The following SYVN1 variants were observed in gnomAD, a reference collection of about 807,000 sequenced individuals.
The protein encoded by SYVN1 is E3 ubiquitin-protein ligase synoviolin.
In SYVN1, 17 loss-of-function variants were observed where a neutral mutation model predicts 62.6. The ratio of observed to expected loss-of-function variants is 0.27; its 90% CI spans 0.19 to 0.41. SYVN1 has a LOEUF of 0.41. SYVN1 is among the 10% of genes least tolerant of loss of function. SYVN1 has a pLI of 1.00. For missense variants in SYVN1, 634 were observed against 818.0 expected (o/e 0.78, Z 2.74); for synonymous variants, 316 against 304.0 (o/e 1.04, Z -0.41).
In SYVN1 at chr11:65,130,339, G is replaced by A. The variant is rs373634951; in HGVS notation, c.1146C>T (p.Phe382=). The change falls in exon 12 of 16, where the codon TTC becomes TTT. Residue 382 remains phenylalanine (F), a synonymous_variant. Coordinates refer to ENST00000377190, the MANE Select transcript of SYVN1 (RefSeq NM_172230.3). The part of the protein sequence containing the change: ...GLLPPFPPGM[F]PLWPPMGPFP... ...AGGGGCCCATGGGGGGCCACAGTGGGAACATGCCTGGAGGAAAAGGAGGCA... is the reference window on the plus strand; with the variant it reads ...AGGGGCCCATGGGGGGCCACAGTGGAAACATGCCTGGAGGAAAAGGAGGCA... 3.8e-6 allele frequency: 6 copies of A among 1,563,640 alleles called. No individual in the cohort carries two copies. The African/African-American group carries it at 6.9e-5, about 18-fold the overall frequency.
chr11:65,133,559 T>C lies in SYVN1; in HGVS notation c.43A>G (p.Thr15Ala). ...TAGGCGTGAGCCACCACAGCCCCGG[T>C]CAGCGCCAGGCTGGCCGCCATCATC... ...AVMMAASLAL[T>A]GAVVAHAYYL... The change falls in exon 2 of 16, where the codon ACC becomes GCC. Residue 15 changes from threonine to alanine, a missense_variant. This residue lies in a region of SYVN1 where 283 missense variants were observed against 444.7 expected (regional missense o/e 0.64). Transcript: ENST00000377190. The C allele has an allele frequency of 6.2e-7, 1 of 1,612,700 alleles. No individual in the cohort carries two copies. The highest frequency in any genetic ancestry group is 8.5e-7 in the Non-Finnish European group (1 of 1,179,994).
intron 15 of SYVN1, 37 bp downstream of exon 15, chr11:65,128,526 T>G: frequency 6.2e-7 from 1 of 1,613,172 alleles, no homozygotes; most frequent in East Asian, 2.2e-5. Context: ...CCTAGAGAAG[T>G]TCCCTGCTCC....
chr11:65,128,331 C>A lies in SYVN1; in HGVS notation c.*51G>T. 6.8e-7 allele frequency: 1 copy of A among 1,470,180 alleles called. No individual in the cohort carries two copies. Among genetic ancestry groups the A allele is most frequent in the East Asian group, 2.3e-5 (1 of 42,716 alleles). 91.1% of individuals were successfully genotyped at this position (1,470,180 alleles called of 1,614,324 possible). A position where few individuals can be genotyped will look rare whatever the true frequency, so the allele number is the denominator to read the frequency against. On this transcript the variant is annotated 3_prime_UTR_variant, in exon 16 of 16. Coordinates refer to ENST00000377190, the MANE Select transcript of SYVN1 (RefSeq NM_172230.3). ...CTGGCACTTGGTGGCAGGACATGTT[C>A]CAGCGAGGGCTGCTCAAAAGAGCAG...
rs778482052 is a variant in SYVN1, at chr11:65,128,670, G to A, written c.1640C>T (p.Ala547Val). 1 of 1,613,812 alleles carries A rather than the reference G, an allele frequency of 6.2e-7. No homozygotes were observed. The highest frequency in any genetic ancestry group is 8.5e-7 in the Non-Finnish European group (1 of 1,179,818). The change falls in exon 15 of 16, where the codon GCC becomes GTC. Residue 547 changes from alanine (A) to valine (V), a missense_variant. Ala to Val is a moderately conservative substitution (Grantham distance 64, BLOSUM62 0). Coordinates refer to ENST00000377190, the MANE Select transcript of SYVN1 (RefSeq NM_172230.3). ...GGAGGCAGCAGCAACAACTGTAGTGGCAGTCTCCTCAGTGGAGTTGACTGA... is the reference window on the plus strand; with the variant it reads ...GGAGGCAGCAGCAACAACTGTAGTGACAGTCTCCTCAGTGGAGTTGACTGA... Reference protein sequence around the residue: ...ATSVNSTEETATTVVAAASST... With the variant: ...ATSVNSTEETVTTVVAAASST...
At position 65,129,012 on chromosome 11, in the gene SYVN1, A is replaced by G. The variant is rs529368493; in HGVS notation, c.1596-298T>C. The stretch of plus-strand genomic sequence containing the variant: ...AGGCACCTTATAGGGGACTCACTCA[A>G]TAAGCCACAGTGCTCGAGCCTTGGA... On this transcript the variant is annotated intron_variant, in intron 14 of 15. Transcript: ENST00000377190. 29 of 354,692 alleles carry G rather than the reference A, an allele frequency of 8.2e-5. No individual in the cohort carries two copies. In the South Asian group the frequency reaches 1.1e-3, roughly 14 times the overall value. The allele number at this position is 354,692 out of a possible 1,614,324, so 22.0% of individuals were successfully genotyped here.
Position 65,129,968 on chromosome 11 carries a change from C to T in SYVN1, c.1408+34G>A, listed in dbSNP as rs758359736. 8 of 1,600,014 alleles carry T rather than the reference C, an allele frequency of 5.0e-6. No homozygotes were observed. In the East Asian group the frequency reaches 1.8e-4, roughly 36 times the overall value. On this transcript the variant is annotated intron_variant, in intron 13 of 15. Coordinates refer to ENST00000377190, the MANE Select transcript of SYVN1 (RefSeq NM_172230.3). ...TGCTGGGGCCAGACACCAACCTCAC[C>T]CCCAAGAAGAACCCAGAGAGTGGCC...
At position 65,131,309 on chromosome 11, in the gene SYVN1, T is replaced by C; in HGVS notation, c.723A>G (p.Pro241=). ...GGTACATGGGCCGGATGGCAAAGAGTGGGAAGGTGTGCACCTTGATCATGA... is the reference window on the plus strand; with the variant it reads ...GGTACATGGGCCGGATGGCAAAGAGCGGGAAGGTGTGCACCTTGATCATGA... ...MTIMIKVHTF[P]LFAIRPMYLA... is the part of the protein sequence containing the mutation. Residue 241 remains proline, a synonymous_variant, in exon 8 of 16, where the codon CCA becomes CCG. Coordinates refer to ENST00000377190, the MANE Select transcript of SYVN1 (RefSeq NM_172230.3). 3.7e-6 allele frequency: 6 copies of C among 1,612,652 alleles called. No homozygotes were observed. The highest frequency in any genetic ancestry group is 5.1e-6 in the Non-Finnish European group (6 of 1,179,632).
Position 65,128,755 on chromosome 11 carries a change from T to A in SYVN1, c.1596-41A>T, listed in dbSNP as rs1348079782. On this transcript the variant is annotated intron_variant, in intron 14 of 15. Coordinates refer to ENST00000377190, the MANE Select transcript of SYVN1 (RefSeq NM_172230.3). ...ACGAGAGGCGGGCCTGGCCTTGGCA[T>A]CCAAGGTTGGGCAGATTCTCCTGCC... is the stretch of plus-strand genomic sequence containing the variant. 2.6e-6 allele frequency: 4 copies of A among 1,549,072 alleles called. No individual in the cohort carries two copies. The African/African-American group carries it at 5.5e-5, about 21-fold the overall frequency.
Position 65,133,214 on chromosome 11 carries a change from C to T in SYVN1, c.171G>A (p.Leu57=). ...AGAACACCTTGCCCATCACCTTGCCCAGAAGGAAGACAAGGACAAAGGCCT... is the reference window on the plus strand; with the variant it reads ...AGAACACCTTGCCCATCACCTTGCCTAGAAGGAAGACAAGGACAAAGGCCT... The part of the protein sequence containing the change: ...YIQAFVLVFL[L]GKVMGKVFFG... The change falls in exon 3 of 16, where the codon CTG becomes CTA. Residue 57 remains leucine, a synonymous_variant. Transcript: ENST00000377190. The T allele has an allele frequency of 6.2e-7, 1 of 1,614,166 alleles. No homozygotes were observed. Among genetic ancestry groups the T allele is most frequent in the Non-Finnish European group, 8.5e-7 (1 of 1,180,030 alleles).
intron 5 of SYVN1, 157 bp from the exon 6 acceptor site, chr11:65,132,508 G>C (rs1948193977): frequency 2.7e-6 from 2 of 748,622 alleles, no homozygotes; most frequent in Non-Finnish European, 4.5e-6. Context: ...GGAACTTCCT[G>C]GGGGAGGGGG....
intron 1 of SYVN1, 87 bp downstream of exon 1, chr11:65,134,369 G>A (rs1590829713): frequency 6.5e-6 from 1 of 152,780 alleles, no homozygotes; most frequent in Non-Finnish European, 1.5e-5. Context: ...CGGCGGGGCT[G>A]AGGGGCGTGC....
chr11:65,132,137 C>T, intron 6 of SYVN1, 111 bp downstream of exon 6: 1 of 836,446 alleles, frequency 1.2e-6, no homozygotes, highest in Non-Finnish European at 2.1e-6. Flanking sequence ...CCCTTGGTGG[C>T]CAGCACAGGT....
intron 7 of SYVN1, 44 bp downstream of exon 7, chr11:65,131,426 G>C: frequency 6.2e-7 from 1 of 1,613,916 alleles, no homozygotes; most frequent in Non-Finnish European, 8.5e-7. Context: ...GAGGCAGAGT[G>C]GAGGATGCTG....
chr11:65,129,434 T>C (rs2137238745), intron 14 of SYVN1: 1 of 325,702 alleles, frequency 3.1e-6, no homozygotes, highest in Non-Finnish European at 5.7e-6. Context: ...GAATATCATG[T>C]GATGAACTAA....
rs1354328404 is a variant in SYVN1 at position 65,128,267 on chromosome 11, A to T, written c.*115T>A. The T allele has an allele frequency of 4.6e-6, 4 of 868,460 alleles. No homozygotes were observed. The African/African-American group carries it at 6.7e-5, about 15-fold the overall frequency. 53.8% of individuals were successfully genotyped at this position (868,460 alleles called of 1,614,324 possible). ...CTAGGGGATGCCGCCTCTTTCTCAG[A>T]GCTGGGGGTACTACTCCCTGGTGCA... On this transcript the variant is annotated 3_prime_UTR_variant, in exon 16 of 16. Coordinates refer to ENST00000377190, the MANE Select transcript of SYVN1 (RefSeq NM_172230.3).
In SYVN1 at chr11:65,128,379, G is replaced by A. The variant is rs2137234278; in HGVS notation, c.*3C>T. Reference sequence around the variant, plus strand: ...CAGAGGCTGGGGCTGGGCTGGGGCAGTGTCAGTGGGCAACAGGAGACTCCA... The same window carrying A: ...CAGAGGCTGGGGCTGGGCTGGGGCAATGTCAGTGGGCAACAGGAGACTCCA... On this transcript the variant is annotated 3_prime_UTR_variant, in exon 16 of 16. Transcript: ENST00000377190. 1 of 1,610,776 alleles carries A rather than the reference G, an allele frequency of 6.2e-7. No individual in the cohort carries two copies. The highest frequency in any genetic ancestry group is 8.5e-7 in the Non-Finnish European group (1 of 1,178,736).
chr11:65,131,889 A>G (rs1948185182), intron 6 of SYVN1, among the ~76,000 whole-genome samples: 1 of 152,150 alleles, frequency 6.6e-6, no homozygotes, highest in East Asian at 1.9e-4. Flanking sequence ...TGAAATTCGC[A>G]CTCAACAAAT....
intron 5 of SYVN1, 45 bp from the exon 6 acceptor site, chr11:65,132,396 G>T: frequency 7.3e-7 from 1 of 1,360,782 alleles, no homozygotes; most frequent in Non-Finnish European, 1.1e-6. Flanking sequence ...TCAGCCCAGG[G>T]CCCAACAGCT....
chr11:65,132,696 C>T, intron 5 of SYVN1, 36 bp downstream of exon 5: 2 of 1,611,870 alleles, frequency 1.2e-6, no homozygotes, highest in Non-Finnish European at 1.7e-6. Flanking sequence ...GGTTCACGTT[C>T]CAGTCCTCCC....
Sources: allele counts gnomAD v4.1 joint callset (sites outside exome capture counted in the v4.1 genomes callset), GRCh38; gene constraint gnomAD v4.1.1; regional missense constraint gnomAD v4.1.1; transcripts MANE v1.5; gene names NCBI Gene and HGNC (gene_info 2026-07-23, HGNC 2026-07-21).